Variants in FMR1 observed in about 807,000 individuals in gnomAD.
FMR1 encodes the protein FMRP translational regulator 1.
In FMR1, 13 loss-of-function variants were observed where a neutral mutation model predicts 50.6. That is an observed-to-expected ratio of 0.26 (90% CI 0.17 to 0.41). The LOEUF (loss-of-function observed/expected upper bound fraction) is 0.41, where lower values mean the gene tolerates loss of function less well. Ranked by LOEUF, FMR1 falls within the 10% of genes least tolerant of loss-of-function variation. The probability of loss-of-function intolerance (pLI) is 1.00; values close to 1 mark genes in which losing one functional copy is unlikely to be tolerated. For synonymous variants in FMR1, 138 were observed against 164.1 expected (o/e 0.84, Z 1.22); for missense variants, 316 against 491.3 (o/e 0.64, Z 3.37).
chrX:147,945,000 G>A lies in FMR1; in HGVS notation c.1603G>A (p.Gly535Arg). The A allele has an allele frequency of 8.3e-7, 1 of 1,198,477 alleles. No individual in the cohort carries two copies. The change falls in exon 15 of 17, where the codon GGA (glycine) becomes AGA (arginine). Residue 535 changes from glycine (G) to arginine (R), a missense_variant. By Grantham distance (125) the Gly-to-Arg change is moderately radical. Around this residue, in one of 4 missense-constraint regions of FMR1, gnomAD observed 124 missense variants for 160.8 expected, o/e 0.77. Coordinates refer to ENST00000370475, the MANE Select transcript of FMR1 (RefSeq NM_002024.6). ...GCGCAGAGGAGACGGACGGCGGCGT[G>A]GAGGGGGAGGAAGAGGACAAGGAGG... ...FLRRGDGRRR[G>R]GGGRGQGGRG... is the part of the protein sequence containing the mutation.
intron 13 of FMR1, among the ~76,000 whole-genome samples, chrX:147,940,908 C>A (rs1407653748): frequency 8.9e-6 from 1 of 111,790 alleles, no homozygotes; most frequent in Non-Finnish European, 1.9e-5. Context: ...TTCTCTTAAA[C>A]CCTTACACTC....
chrX:147,919,147 T>C (rs147806096), intron 1 of FMR1, among the ~76,000 whole-genome samples: 20 of 112,113 alleles, frequency 1.8e-4, no homozygotes, highest in African/African-American at 6.5e-4. Flanking sequence ...GTGGCCCTTC[T>C]TTGTAAATAA....
intron 13 of FMR1, among the ~76,000 whole-genome samples, chrX:147,940,903 T>C (rs1170365078): frequency 2.7e-5 from 3 of 112,056 alleles, no homozygotes; most frequent in African/African-American, 9.7e-5. Flanking sequence ...TATTCTTCTC[T>C]TAAACCCTTA....
intron 1 of FMR1, chrX:147,912,812 A>G (rs2042659687): frequency 3.4e-6 from 1 of 297,374 alleles, no homozygotes; most frequent in Non-Finnish European, 5.9e-6. Flanking sequence ...ACCAAATCAC[A>G]ATGGCAACTG....
chrX:147,951,107 C>G lies in FMR1; in HGVS notation c.*2263C>G, dbSNP rs1557183719. On this transcript the variant is annotated 3_prime_UTR_variant, in exon 17 of 17. Transcript: ENST00000370475. Reference sequence around the variant, plus strand: ...TGTAAATTTTTATTAAAAAGTTGCACTTATGAAAAAGCAAAAAATTAGTCT... The same window carrying G: ...TGTAAATTTTTATTAAAAAGTTGCAGTTATGAAAAAGCAAAAAATTAGTCT... 9.3e-6 allele frequency: 2 copies of G among 215,724 alleles called. No homozygotes were observed. The highest frequency in any genetic ancestry group is 1.4e-4 in the East Asian group (1 of 6,957). The allele number at this position is 215,724 out of a possible 1,213,427, so 17.8% of individuals were successfully genotyped here.
At chrX:147,943,590 C>T in intron 14 of FMR1, 1 of 369,919 alleles carries the variant, frequency 2.7e-6, no homozygotes, top group Non-Finnish European at 4.7e-6. Context: ...TTCTTAAGGC[C>T]TCTCCTGATT....
intron 9 of FMR1, among the ~76,000 whole-genome samples, chrX:147,934,881 T>C (rs1482038864): frequency 8.9e-6 from 1 of 111,888 alleles, no homozygotes; most frequent in East Asian, 2.8e-4. Context: ...ACCAACGTTA[T>C]TTGTGATCTC....
chrX:147,927,336 C>A (rs2043427556), intron 3 of FMR1, among the ~76,000 whole-genome samples: 1 of 111,662 alleles, frequency 9.0e-6, no homozygotes, highest in Non-Finnish European at 1.9e-5. Flanking sequence ...GTCTTACACA[C>A]CGATTCGTTG....
chrX:147,925,232 T>G (rs25729), intron 2 of FMR1, among the ~76,000 whole-genome samples: 1 of 112,219 alleles, frequency 8.9e-6, no homozygotes, highest in African/African-American at 3.2e-5. Flanking sequence ...TGTGGACTTA[T>G]GTTTAAAGCT....
intron 9 of FMR1, among the ~76,000 whole-genome samples, chrX:147,934,718 A>G (rs1189268539): frequency 8.9e-6 from 1 of 112,170 alleles, no homozygotes; most frequent in Non-Finnish European, 1.9e-5. Flanking sequence ...TGTTGTTTCT[A>G]GTTAGTAAAA....
In FMR1 at chrX:147,949,337, T is replaced by G. The variant is rs1557182903; in HGVS notation, c.*493T>G. On this transcript the variant is annotated 3_prime_UTR_variant, in exon 17 of 17. Transcript: ENST00000370475. The stretch of plus-strand genomic sequence containing the variant: ...CAGTATTTTAGTGGACCCTGAAATG[T>G]GTGTGATGTGACATTTGTCATTTTC... The G allele has an allele frequency of 3.0e-6, 1 of 329,544 alleles. No individual in the cohort carries two copies. Among genetic ancestry groups the G allele is most frequent in the Admixed American group, 3.1e-5 (1 of 32,178 alleles). 27.2% of individuals were successfully genotyped at this position (329,544 alleles called of 1,213,427 possible).
chrX:147,944,983 G>A lies in FMR1; in HGVS notation c.1586G>A (p.Gly529Glu), dbSNP rs1038276480. The A allele has an allele frequency of 8.3e-7, 1 of 1,205,473 alleles. No individual in the cohort carries two copies. The highest frequency in any genetic ancestry group is 1.1e-6 in the Non-Finnish European group (1 of 891,914). Residue 529 changes from glycine (G) to glutamate (E), a missense_variant, in exon 15 of 17, where the codon GGA (glycine) becomes GAA (glutamate). By Grantham distance (98) the Gly-to-Glu change is moderately conservative. Around this residue, in one of 4 missense-constraint regions of FMR1, gnomAD observed 124 missense variants for 160.8 expected, o/e 0.77. Transcript: ENST00000370475. ...EEERESFLRR[G>E]DGRRRGGGGR... ...GAGAGGGAGAGCTTCCTGCGCAGAG[G>A]AGACGGACGGCGGCGTGGAGGGGGA...
At position 147,945,029 on chromosome X, in the gene FMR1, A is replaced by G; in HGVS notation, c.1632A>G (p.Arg544=). The G allele has an allele frequency of 2.5e-6, 3 of 1,184,135 alleles. No homozygotes were observed. Among genetic ancestry groups the G allele is most frequent in the Non-Finnish European group, 3.4e-6 (3 of 879,882 alleles). Reference sequence around the variant, plus strand: ...GGGGAGGAAGAGGACAAGGAGGAAGAGGACGTGGAGGAGGCTTCAAAGGTA... The same window carrying G: ...GGGGAGGAAGAGGACAAGGAGGAAGGGGACGTGGAGGAGGCTTCAAAGGTA... The part of the protein sequence containing the change: ...RGGGGRGQGG[R]GRGGGFKGND... Residue 544 remains arginine (R), a synonymous_variant, in exon 15 of 17, where the codon AGA becomes AGG. Transcript: ENST00000370475.
Position 147,950,393 on chromosome X carries a change from G to T in FMR1, c.*1549G>T. On this transcript the variant is annotated 3_prime_UTR_variant, in exon 17 of 17. Coordinates refer to ENST00000370475, the MANE Select transcript of FMR1 (RefSeq NM_002024.6). ...TGTTGATTTCTAGTTATTTATTCTG[G>T]GAATGTATAGTATTTGAAAACAGAA... 3.0e-6 allele frequency: 1 copy of T among 328,971 alleles called. No individual in the cohort carries two copies. The highest frequency in any genetic ancestry group is 5.9e-6 in the Non-Finnish European group (1 of 169,673). The allele number at this position is 328,971 out of a possible 1,213,427, so 27.1% of individuals were successfully genotyped here.
chrX:147,940,454 C>T, intron 12 of FMR1, 122 bp from the exon 13 acceptor site: 2 of 546,532 alleles, frequency 3.7e-6, no homozygotes, highest in South Asian at 4.9e-5. Context: ...TTTATATTTA[C>T]AGCAAACATT....
intron 1 of FMR1, 82 bp from the exon 2 acceptor site, chrX:147,921,851 G>A (rs906015100): frequency 1.3e-5 from 8 of 600,243 alleles, no homozygotes; most frequent in Admixed American, 5.1e-5. Flanking sequence ...CACATAAAAC[G>A]TTTGGTATCA....
In FMR1 at chrX:147,945,521, A is replaced by G; in HGVS notation, c.1655-13A>G. 1 of 1,188,296 alleles carries G rather than the reference A, an allele frequency of 8.4e-7. No homozygotes were observed. Among genetic ancestry groups the G allele is most frequent in the Non-Finnish European group, 1.1e-6 (1 of 874,130 alleles). ...ATCAGTAACTGTTGAACCTTTTGAA[A>G]ATATTCTCATAGGAAACGACGATCA... On this transcript the variant is annotated splice_polypyrimidine_tract_variant and intron_variant, in intron 15 of 16. Coordinates refer to ENST00000370475, the MANE Select transcript of FMR1 (RefSeq NM_002024.6).
At position 147,912,081 on chromosome X, in the gene FMR1, AGGCGGCGGCGGCGGCGGC is replaced by A. The variant is rs782036637; in HGVS notation, c.-86_-69del. On this transcript the variant is annotated 5_prime_UTR_variant, in exon 1 of 17. Transcript: ENST00000370475. ...GCGGCGGCGGCGGCGGCGGCGGCGG[AGGCGGCGGCGGCGGCGGC>A]GGCGGCGGCGGCTGGGCCTCGAGCG... 7.4e-5 allele frequency: 21 copies of A among 283,906 alleles called. No individual in the cohort carries two copies. The highest frequency in any genetic ancestry group is 2.1e-3 in the Middle Eastern group (1 of 473). 23.4% of individuals were successfully genotyped at this position (283,906 alleles called of 1,213,427 possible). A position where few individuals can be genotyped will look rare whatever the true frequency, so the allele number is the denominator to read the frequency against.
At chrX:147,931,964 A>G (rs1439146413) in intron 7 of FMR1, among the ~76,000 whole-genome samples, 1 of 112,115 alleles carries the variant, frequency 8.9e-6, no homozygotes, top group South Asian at 3.7e-4. Context: ...CTGTTTCCAG[A>G]AAATATATAC....
Sources: gnomAD v4.1 joint callset for allele counts (sites outside exome capture counted in the v4.1 genomes callset) on GRCh38, gnomAD v4.1.1 for gene constraint, gnomAD v4.1.1 regional missense constraint, MANE v1.5 for transcripts, NCBI Gene and HGNC (gene_info 2026-07-23, HGNC 2026-07-21) for gene names.